The following TBXAS1 variants were observed in gnomAD, a reference collection of about 807,000 sequenced individuals.
TBXAS1 encodes thromboxane A synthase 1, also known as thromboxane-A synthase.
Under a neutral mutation model 60.7 loss-of-function variants are expected in TBXAS1, and 48 were observed. The observed-to-expected ratio is 0.79, with a 90% CI of 0.63 to 1.01. The LOEUF (loss-of-function observed/expected upper bound fraction) is 1.01, where lower values mean the gene tolerates loss of function less well. TBXAS1 is among the 50% of genes least tolerant of loss of function. TBXAS1 has a pLI of 0.00. For synonymous variants in TBXAS1, 287 were observed against 269.7 expected, an observed-to-expected ratio of 1.06 and a Z score of -0.63; for missense variants, 685 against 686.3, an observed-to-expected ratio of 1.00 and a Z score of 0.02.
At chr7:139,951,367 C>T (rs955858389) in intron 5 of TBXAS1, among the ~76,000 whole-genome samples, 1 of 151,848 alleles carries the variant, frequency 6.6e-6, no homozygotes, top group Admixed American at 6.6e-5. Context: ...ATACTGTATT[C>T]CACTTATGAG....
intron 1 of TBXAS1, among the ~76,000 whole-genome samples, chr7:139,856,536 G>A (rs1339370096): frequency 2.0e-5 from 3 of 152,188 alleles, no homozygotes; most frequent in Admixed American, 2.0e-4. Flanking sequence ...TTTTGATGGA[G>A]GGGAAAAGGG....
At chr7:139,874,120 C>G (rs1306831762) in intron 2 of TBXAS1, among the ~76,000 whole-genome samples, 1 of 152,164 alleles carries the variant, frequency 6.6e-6, no homozygotes, top group East Asian at 1.9e-4. Context: ...TAAACACCTT[C>G]TCCTCTCATC....
In TBXAS1 at chr7:139,960,035, G is replaced by A. The variant is rs567674509; in HGVS notation, c.820-1884G>A. On this transcript the variant is annotated intron_variant, in intron 8 of 12. Coordinates refer to ENST00000448866, the MANE Select transcript of TBXAS1 (RefSeq NM_001061.7). ...GAGGATGCTGTTTGAAAATCAGAAC[G>A]AGCAGGGCCAGGGTGGAATGAAGCC... 4.6e-5 allele frequency among the ~76,000 whole-genome samples: 7 copies of A among 152,276 alleles called. No homozygotes were observed. In the South Asian group the frequency reaches 6.2e-4, roughly 14 times the overall value.
chr7:139,794,375 C>T (rs1044978458), intron 4 of TBXAS1, among the ~76,000 whole-genome samples: 2 of 152,182 alleles, frequency 1.3e-5, no homozygotes, highest in East Asian at 3.9e-4. Context: ...GCTGGTATTA[C>T]AGGCATCAGC....
At position 139,954,543 on chromosome 7, in the gene TBXAS1, A is replaced by C. The variant is rs555697472; in HGVS notation, c.540-916A>C. 3.9e-4 allele frequency among the ~76,000 whole-genome samples: 60 copies of C among 152,380 alleles called. 1 individual carries two copies. In the South Asian group the frequency reaches 0.012, roughly 31 times the overall value. ...AAACGTCATGTATTCCTTAATGATA[A>C]GTTAGTGGTTATAGAATTCATGTAC... On this transcript the variant is annotated intron_variant, in intron 6 of 12. Transcript: ENST00000448866.
At chr7:140,012,462 C>CTT (rs879886189) in intron 10 of TBXAS1, among the ~76,000 whole-genome samples, 19 of 143,688 alleles carry the variant, frequency 1.3e-4, no homozygotes, top group African/African-American at 2.8e-4. Flanking sequence ...GTAACCAGAA[C>CTT]TTTTTTTTTT....
chr7:139,830,683 C>T (rs536117291), intron 1 of TBXAS1, among the ~76,000 whole-genome samples: 2 of 152,062 alleles, frequency 1.3e-5, no homozygotes, highest in African/African-American at 2.4e-5. Flanking sequence ...CCGGGAAGCC[C>T]GAAGCACAGT....
rs1805948972 is a variant in TBXAS1, at chr7:139,916,146, T to C, written c.333+4825T>C. On this transcript the variant is annotated intron_variant, in intron 4 of 12. Coordinates refer to ENST00000448866, the MANE Select transcript of TBXAS1 (RefSeq NM_001061.7). This position sits in a 1 kb window ranked among gnomAD's most constrained non-coding sequence, Gnocchi z 4.2. ...CCTAATGAAACCATAGGGCAGCTCT[T>C]TTTTAAATATCTGTGGAAAATGGAG... Among the ~76,000 whole-genome samples, 2 of 152,192 alleles carry C rather than the reference T, an allele frequency of 1.3e-5. No homozygotes were observed. The highest frequency in any genetic ancestry group is 4.8e-5 in the African/African-American group (2 of 41,438).
In TBXAS1 at chr7:139,852,004, A is replaced by T. The variant is rs1800251505; in HGVS notation, c.90-20231A>T. Among the ~76,000 whole-genome samples, 2 of 152,146 alleles carry T rather than the reference A, an allele frequency of 1.3e-5. No individual in the cohort carries two copies. The highest frequency in any genetic ancestry group is 4.8e-5 in the African/African-American group (2 of 41,426). On this transcript the variant is annotated intron_variant, in intron 1 of 12. Coordinates refer to ENST00000448866, the MANE Select transcript of TBXAS1 (RefSeq NM_001061.7). This position sits in a 1 kb window ranked among gnomAD's most constrained non-coding sequence, Gnocchi z 4.4. ...CTCCCTTGGATTGCTTACTTTGGGG[A>T]AGTCAGCAGCCATGTTGAGCAGCCC...
chr7:139,805,638 C>T (rs1434820626), intron 4 of TBXAS1, among the ~76,000 whole-genome samples: 1 of 143,984 alleles, frequency 6.9e-6, no homozygotes, highest in East Asian at 2.3e-4. Flanking sequence ...TCCTTCCCTC[C>T]CTCCCTCCCT....
At chr7:139,978,274 A>G (rs1811700479) in intron 9 of TBXAS1, among the ~76,000 whole-genome samples, 3 of 151,504 alleles carry the variant, frequency 2.0e-5, no homozygotes, top group Admixed American at 2.0e-4. Flanking sequence ...TTTGGGAGGC[A>G]GAGTTCAGGT....
intron 9 of TBXAS1, among the ~76,000 whole-genome samples, chr7:139,987,385 C>T (rs35813039): frequency 0.23 from 34,985 of 152,128 alleles, 4,209 homozygotes; most frequent in South Asian, 0.35. Flanking sequence ...CATCCCCACA[C>T]ACTGAGAGGC....
intron 1 of TBXAS1, among the ~76,000 whole-genome samples, chr7:139,868,559 T>C (rs147634115): frequency 2.6e-5 from 4 of 151,788 alleles, no homozygotes; most frequent in African/African-American, 9.7e-5. Context: ...AAGTAGCTCA[T>C]TGTAGCCTCA....
intron 1 of TBXAS1, among the ~76,000 whole-genome samples, chr7:139,842,955 T>C (rs1799561621): frequency 1.3e-5 from 2 of 152,152 alleles, no homozygotes; most frequent in African/African-American, 2.4e-5. Flanking sequence ...GCTCTACCAA[T>C]AGTGGCTTCC....
intron 4 of TBXAS1, among the ~76,000 whole-genome samples, chr7:139,802,035 A>T (rs1257855459): frequency 6.6e-6 from 1 of 152,204 alleles, no homozygotes; most frequent in Non-Finnish European, 1.5e-5. Flanking sequence ...AAGTGCTGGG[A>T]TTACAGGTGT....
Position 139,942,451 on chromosome 7 carries a change from T to C in TBXAS1, c.450+6144T>C, listed in dbSNP as rs557475803. Among the ~76,000 whole-genome samples, 3 of 152,346 alleles carry C rather than the reference T, an allele frequency of 2.0e-5. No homozygotes were observed. In the East Asian group the frequency reaches 5.8e-4, roughly 29 times the overall value. On this transcript the variant is annotated intron_variant, in intron 5 of 12. Coordinates refer to ENST00000448866, the MANE Select transcript of TBXAS1 (RefSeq NM_001061.7). ...AATTATCCTTTGCAGGTAGCTTCCA[T>C]GAAGAACCCAGTTTTTGAGTGCCTC...
upstream of TBXAS1, among the ~76,000 whole-genome samples, chr7:139,824,933 G>C (rs772878432): frequency 2.0e-5 from 3 of 148,414 alleles, no homozygotes; most frequent in Non-Finnish European, 3.0e-5. Flanking sequence ...GGGTTCAAAT[G>C]ATTCTCCTGC....
At chr7:139,806,055 C>T (rs1234966389) in intron 4 of TBXAS1, among the ~76,000 whole-genome samples, 2 of 151,048 alleles carry the variant, frequency 1.3e-5, no homozygotes, top group Non-Finnish European at 1.5e-5. Flanking sequence ...CTGCCTCAGC[C>T]TCCCAAGTAG....
rs753407831 is a variant in TBXAS1, at chr7:139,829,310, A to G, written c.-81A>G. 39 of 1,338,320 alleles carry G rather than the reference A, an allele frequency of 2.9e-5. No individual in the cohort carries two copies. Among genetic ancestry groups the G allele is most frequent in the Middle Eastern group, 1.8e-4 (1 of 5,518 alleles). The allele number at this position is 1,338,320 out of a possible 1,614,324, so 82.9% of individuals were successfully genotyped here. ...GTTGCCTGTTCCCTTTTCTACCTGC[A>G]GAGCACGGTTCCCATAAGGGCGGCG... On this transcript the variant is annotated 5_prime_UTR_variant, in exon 1 of 13. Coordinates refer to ENST00000448866, the MANE Select transcript of TBXAS1 (RefSeq NM_001061.7).
Sources: gnomAD v4.1 joint callset for allele counts (sites outside exome capture counted in the v4.1 genomes callset) on GRCh38, gnomAD v4.1.1 for gene constraint, Gnocchi (gnomAD v3.1) non-coding constraint, MANE v1.5 for transcripts, NCBI Gene and HGNC (gene_info 2026-07-23, HGNC 2026-07-21) for gene names.